CNTN4: variants seen among roughly 807,000 people sequenced by gnomAD.
The protein encoded by CNTN4 is contactin-4.
A neutral mutation model predicts 122.5 loss-of-function variants in CNTN4; 77 were observed. The ratio of observed to expected loss-of-function variants is 0.63; its 90% CI spans 0.52 to 0.76. CNTN4 has a LOEUF of 0.76. CNTN4 is among the 30% of genes least tolerant of loss of function. The pLI is 0.00. For synonymous variants in CNTN4, 512 were observed against 447.0 expected (o/e 1.15, Z -1.83); for missense variants, 1,256 against 1,259.1 (o/e 1.00, Z 0.04).
intron 4 of CNTN4, among the ~76,000 whole-genome samples, chr3:2,594,636 G>T (rs979616433): frequency 2.2e-5 from 3 of 134,924 alleles, no homozygotes; most frequent in Non-Finnish European, 3.3e-5. Flanking sequence ...TGGCCAGGCT[G>T]GTCTTGAACT....
intron 4 of CNTN4, among the ~76,000 whole-genome samples, chr3:2,625,401 G>T (rs552378776): frequency 6.6e-6 from 1 of 152,288 alleles, no homozygotes. Flanking sequence ...CTATGTAACA[G>T]ATACTTAATG....
chr3:2,969,522 T>TATTATTATGATTATG (rs1553710737), intron 13 of CNTN4, among the ~76,000 whole-genome samples: 47 of 137,024 alleles, frequency 3.4e-4, no homozygotes, highest in African/African-American at 1.6e-3. Flanking sequence ...TTGGGATTAT[T>TATTATTATGATTATG]ATTATTATTA....
chr3:2,649,448 CTCTGCCTG>C (rs2083269891), intron 4 of CNTN4, among the ~76,000 whole-genome samples: 2 of 152,294 alleles, frequency 1.3e-5, no homozygotes, highest in Admixed American at 1.3e-4. Context: ...GCCAGATCTA[CTCTGCCTG>C]TGTTCTTTTA....
At chr3:2,818,856 G>T (rs184511575) in intron 6 of CNTN4, among the ~76,000 whole-genome samples, 2 of 152,096 alleles carry the variant, frequency 1.3e-5, no homozygotes, top group Non-Finnish European at 2.9e-5. Context: ...TAAAACAATT[G>T]TGTGTCTGTA....
rs182160644 is a variant in CNTN4, at chr3:2,763,020, C to A, written c.358+17323C>A. Among the ~76,000 whole-genome samples the A allele has an allele frequency of 4.4e-3, 654 of 149,374 alleles. 1 individual carries two copies. The highest frequency in any genetic ancestry group is 0.015 in the African/African-American group (613 of 40,580). On this transcript the variant is annotated intron_variant, in intron 6 of 24. Coordinates refer to ENST00000418658, the MANE Select transcript of CNTN4 (RefSeq NM_175607.3). ...GCAGTGGCTCGATCTCAGCTCTCCACAAGCTCCGCCTCCCGGGTTCATGCC... is the reference window on the plus strand; with the variant it reads ...GCAGTGGCTCGATCTCAGCTCTCCAAAAGCTCCGCCTCCCGGGTTCATGCC...
At chr3:2,622,876 C>T (rs2082043042) in intron 4 of CNTN4, among the ~76,000 whole-genome samples, 1 of 152,262 alleles carries the variant, frequency 6.6e-6, no homozygotes, top group Non-Finnish European at 1.5e-5. Flanking sequence ...AGCCAGCACT[C>T]TTAGGGATTA....
intron 2 of CNTN4, among the ~76,000 whole-genome samples, chr3:2,241,634 C>A (rs2039944890): frequency 6.6e-6 from 1 of 152,198 alleles, no homozygotes; most frequent in South Asian, 2.1e-4. Flanking sequence ...GTCAGCTTGT[C>A]TTTCCACTGG....
rs1240596099 is a variant in CNTN4, at chr3:2,823,999, C to A, written c.454+4418C>A. On this transcript the variant is annotated intron_variant, in intron 7 of 24. Transcript: ENST00000418658. ...ATATGCACTTTGAAGTGTGAGATGC[C>A]CTGAGTCATAGCTGTGGTTCCCACG... 3.3e-5 allele frequency among the ~76,000 whole-genome samples: 5 copies of A among 152,134 alleles called. No individual in the cohort carries two copies. The East Asian group carries it at 9.7e-4, about 29-fold the overall frequency.
At chr3:2,514,336 C>A (rs1330496017) in intron 3 of CNTN4, among the ~76,000 whole-genome samples, 1 of 151,994 alleles carries the variant, frequency 6.6e-6, no homozygotes, top group African/African-American at 2.4e-5. Context: ...TCTATGATGA[C>A]AAGTTAAAGA....
At chr3:2,281,782 G>A (rs1468651951) in intron 2 of CNTN4, among the ~76,000 whole-genome samples, 7 of 152,068 alleles carry the variant, frequency 4.6e-5, no homozygotes, top group Admixed American at 4.6e-4. Flanking sequence ...TTGTCGAATT[G>A]TGTTATTTCT....
At chr3:2,325,679 G>C (rs531833846) in intron 2 of CNTN4, among the ~76,000 whole-genome samples, 2 of 152,022 alleles carry the variant, frequency 1.3e-5, no homozygotes, top group Non-Finnish European at 2.9e-5. Flanking sequence ...ACTTACCAGC[G>C]GTCACTACAC....
rs149625822 is a variant in CNTN4, at chr3:2,887,273, G to C, written c.940+49G>C. 9.5e-4 allele frequency: 1,475 copies of C among 1,549,658 alleles called. 2 individuals are homozygous for C. The highest frequency in any genetic ancestry group is 1.2e-3 in the Non-Finnish European group (1,314 of 1,131,300). ...CATTTATAGTGCTACAGAACTTCCT[G>C]ATATTGAAATCATAAGCTGAGAGGC... On this transcript the variant is annotated intron_variant, in intron 10 of 24. Transcript: ENST00000418658.
intron 2 of CNTN4, among the ~76,000 whole-genome samples, chr3:2,101,285 C>T (rs1323817199): frequency 6.6e-6 from 1 of 152,124 alleles, no homozygotes; most frequent in East Asian, 1.9e-4. Context: ...GTATACAGGG[C>T]ATCCGTTCCT....
intron 6 of CNTN4, among the ~76,000 whole-genome samples, chr3:2,776,304 TAA>T (rs1383683600): frequency 2.7e-5 from 4 of 149,164 alleles, no homozygotes; most frequent in Non-Finnish European, 5.9e-5. Context: ...GGAAAGAATA[TAA>T]GTGTTTCTTT....
chr3:2,122,808 A>G (rs2033889174), intron 2 of CNTN4, among the ~76,000 whole-genome samples: 1 of 152,180 alleles, frequency 6.6e-6, no homozygotes. Flanking sequence ...AACATTTGCA[A>G]CTTTCACGAA....
chr3:2,551,797 T>G (rs2078518641), intron 3 of CNTN4, among the ~76,000 whole-genome samples: 1 of 152,156 alleles, frequency 6.6e-6, no homozygotes, highest in Non-Finnish European at 1.5e-5. Context: ...TAATGGATTG[T>G]GTATTTAACA....
chr3:2,128,979 T>A (rs2034314612), intron 2 of CNTN4, among the ~76,000 whole-genome samples: 1 of 152,134 alleles, frequency 6.6e-6, no homozygotes, highest in East Asian at 1.9e-4. Flanking sequence ...AGAGAATAAT[T>A]ATCCAAAATA....
intron 24 of CNTN4, among the ~76,000 whole-genome samples, chr3:3,055,649 T>C (rs1701715860): frequency 6.6e-6 from 1 of 152,232 alleles, no homozygotes; most frequent in Non-Finnish European, 1.5e-5. Flanking sequence ...AGCTGGGTGA[T>C]CTTAGATAAG....
intron 2 of CNTN4, among the ~76,000 whole-genome samples, chr3:2,194,920 C>G (rs975495122): frequency 6.6e-6 from 1 of 152,104 alleles, no homozygotes; most frequent in African/African-American, 2.4e-5. Context: ...TTGTTTTAAG[C>G]CACCCAATTT....
Sources: gnomAD v4.1 joint callset for allele counts (sites outside exome capture counted in the v4.1 genomes callset) on GRCh38, gnomAD v4.1.1 for gene constraint, MANE v1.5 for transcripts, NCBI Gene and HGNC (gene_info 2026-07-23, HGNC 2026-07-21) for gene names.